The following INPP4B variants were observed in gnomAD, a reference collection of about 807,000 sequenced individuals.
INPP4B encodes the protein inositol polyphosphate-4-phosphatase type II B.
In INPP4B, 55 loss-of-function variants were observed where a neutral mutation model predicts 122.5. That is an observed-to-expected ratio of 0.45 (90% CI 0.36 to 0.56). INPP4B has a LOEUF of 0.56. Ranked by LOEUF, INPP4B falls within the 20% of genes least tolerant of loss-of-function variation. The probability of loss-of-function intolerance (pLI) is 0.00; values close to 1 mark genes in which losing one functional copy is unlikely to be tolerated. For missense variants in INPP4B, 1,000 were observed against 1,097.7 expected, an observed-to-expected ratio of 0.91 and a Z score of 1.26; for synonymous variants, 403 against 388.7, an observed-to-expected ratio of 1.04 and a Z score of -0.43.
intron 2 of INPP4B, among the ~76,000 whole-genome samples, chr4:142,516,431 T>C (rs1193029701): frequency 6.6e-6 from 1 of 152,168 alleles, no homozygotes; most frequent in Non-Finnish European, 1.5e-5. Context: ...ATTTATTCAT[T>C]ACTCCAACCC....
chr4:142,326,360 T>C (rs181947357), intron 7 of INPP4B, among the ~76,000 whole-genome samples: 2 of 152,316 alleles, frequency 1.3e-5, no homozygotes, highest in African/African-American at 4.8e-5. Context: ...AAAGCCACAA[T>C]CTAAAAATGT....
At chr4:142,617,077 T>C (rs1255851955) in intron 2 of INPP4B, among the ~76,000 whole-genome samples, 1 of 151,994 alleles carries the variant, frequency 6.6e-6, no homozygotes, top group African/African-American at 2.4e-5. Context: ...TACTTTTACC[T>C]CTAAGATCTA....
intron 2 of INPP4B, among the ~76,000 whole-genome samples, chr4:142,649,898 T>G (rs1026155765): frequency 6.6e-6 from 1 of 151,898 alleles, no homozygotes; most frequent in Admixed American, 6.6e-5. Flanking sequence ...GAGAGCAACC[T>G]CAAGACACAT....
chr4:142,665,146 A>C (rs1755798786), intron 2 of INPP4B, among the ~76,000 whole-genome samples: 1 of 152,204 alleles, frequency 6.6e-6, no homozygotes, highest in Non-Finnish European at 1.5e-5. Flanking sequence ...AAATGTCATT[A>C]TGTGGCACAT....
At chr4:142,160,270 T>A in intron 17 of INPP4B, 88 bp downstream of exon 17, 3 of 987,454 alleles carry the variant, frequency 3.0e-6, no homozygotes, top group Non-Finnish European at 4.2e-6. Context: ...TTTCCATTTT[T>A]TAAAATGGAA....
At chr4:142,591,943 G>T (rs1737593110) in intron 2 of INPP4B, among the ~76,000 whole-genome samples, 1 of 152,250 alleles carries the variant, frequency 6.6e-6, no homozygotes, top group Non-Finnish European at 1.5e-5. Context: ...TACTATCCTG[G>T]ATAGAATCCT....
chr4:142,481,386 A>G (rs1300925078), intron 2 of INPP4B, among the ~76,000 whole-genome samples: 2 of 152,088 alleles, frequency 1.3e-5, no homozygotes, highest in African/African-American at 4.8e-5. Context: ...CACTATTACA[A>G]ACCCCTACAA....
rs1737880137 is a variant in INPP4B, at chr4:142,028,821, G to T, written c.2736C>A (p.Tyr912Ter). The T allele has an allele frequency of 6.2e-7, 1 of 1,613,488 alleles. No homozygotes were observed. The highest frequency in any genetic ancestry group is 8.5e-7 in the Non-Finnish European group (1 of 1,179,632). The change falls in exon 26 of 26, where the codon TAC becomes TAA. Residue 912 changes from tyrosine to a stop codon, truncating the protein, a stop_gained. Coordinates refer to ENST00000262992, the MANE Select transcript of INPP4B (RefSeq NM_001101669.3). LOFTEE classifies it high-confidence loss of function. ...MLQLMAFPKY[Y>*]RPPEGTYGKA... ...TTCCATAAGTCCCCTCTGGAGGTCT[G>T]TAGTACTTGGGGAAAGCCATCAGCT...
At chr4:142,801,478 A>T (rs1473082877) in intron 1 of INPP4B, among the ~76,000 whole-genome samples, 1 of 152,220 alleles carries the variant, frequency 6.6e-6, no homozygotes, top group Non-Finnish European at 1.5e-5. Context: ...GGACTGTATG[A>T]GGACACAGCG....
intron 1 of INPP4B, among the ~76,000 whole-genome samples, chr4:142,736,414 T>G (rs1423739520): frequency 1.3e-5 from 2 of 152,186 alleles, no homozygotes; most frequent in Non-Finnish European, 2.9e-5. Context: ...GAATATTATT[T>G]AATTTTCATG....
chr4:142,716,942 C>T (rs979595703), intron 2 of INPP4B, among the ~76,000 whole-genome samples: 1 of 152,182 alleles, frequency 6.6e-6, no homozygotes, highest in African/African-American at 2.4e-5. Flanking sequence ...GATAGGTTAA[C>T]ATAAGTAAAA....
At chr4:142,114,594 C>A (rs1792013003) in intron 21 of INPP4B, among the ~76,000 whole-genome samples, 1 of 151,800 alleles carries the variant, frequency 6.6e-6, no homozygotes, top group Admixed American at 6.6e-5. Flanking sequence ...AACTTTTTGC[C>A]CATATTTAAA....
At chr4:142,497,827 T>C (rs1315918907) in intron 2 of INPP4B, among the ~76,000 whole-genome samples, 1 of 152,108 alleles carries the variant, frequency 6.6e-6, no homozygotes, top group East Asian at 1.9e-4. Flanking sequence ...TGCCATGGCT[T>C]AACCTCCATT....
chr4:142,199,953 T>A (rs1162104294), intron 14 of INPP4B, among the ~76,000 whole-genome samples: 1 of 152,086 alleles, frequency 6.6e-6, no homozygotes, highest in African/African-American at 2.4e-5. Context: ...AATATCCTTT[T>A]TCTGCTTAAA....
At chr4:142,465,004 T>C (rs1198075984) in intron 2 of INPP4B, among the ~76,000 whole-genome samples, 3 of 152,174 alleles carry the variant, frequency 2.0e-5, no homozygotes, top group Admixed American at 6.5e-5. Flanking sequence ...TGAGTTTACC[T>C]TGCAAATAAA....
At chr4:142,097,065 T>A (rs1310750150) in intron 23 of INPP4B, among the ~76,000 whole-genome samples, 2 of 151,858 alleles carry the variant, frequency 1.3e-5, no homozygotes, top group African/African-American at 4.8e-5. Context: ...GTTCCCATAA[T>A]GAAAAAAAAG....
chr4:142,246,860 T>A (rs532157193), intron 11 of INPP4B, among the ~76,000 whole-genome samples: 1 of 152,190 alleles, frequency 6.6e-6, no homozygotes, highest in Non-Finnish European at 1.5e-5. Flanking sequence ...AGAGAGGGCA[T>A]CCTTGACTTG....
rs189468466 is a variant in INPP4B, at chr4:142,307,041, T to C, written c.424-1504A>G. On this transcript the variant is annotated intron_variant, in intron 8 of 25. Transcript: ENST00000262992. ...GCCTGAAAAATCTGAGACCAAATTA[T>C]TAGATGAGGAACATTAGGCAAAAAA... Among the ~76,000 whole-genome samples, 4 of 152,224 alleles carry C rather than the reference T, an allele frequency of 2.6e-5. No homozygotes were observed. The East Asian group carries it at 7.7e-4, about 29-fold the overall frequency.
chr4:142,452,896 C>T (rs917421945), intron 3 of INPP4B, among the ~76,000 whole-genome samples: 1 of 151,238 alleles, frequency 6.6e-6, no homozygotes, highest in Non-Finnish European at 1.5e-5. Flanking sequence ...AAATTGCTAT[C>T]ACACAACAAC....
Sources: allele counts gnomAD v4.1 joint callset (sites outside exome capture counted in the v4.1 genomes callset), GRCh38; gene constraint gnomAD v4.1.1; transcripts MANE v1.5; gene names NCBI Gene and HGNC (gene_info 2026-07-23, HGNC 2026-07-21).